MEGF9: variants seen among roughly 807,000 people sequenced by gnomAD.
MEGF9 encodes the protein multiple EGF like domains 9, also known as multiple epidermal growth factor-like domains protein 9.
MEGF9 carries 6 observed loss-of-function variants against 46.8 expected under a neutral mutation model. That is an observed-to-expected ratio of 0.13 (90% CI 0.07 to 0.25). The LOEUF (loss-of-function observed/expected upper bound fraction) is 0.25. Ranked by LOEUF, MEGF9 falls within the 10% of genes least tolerant of loss-of-function variation. The probability of loss-of-function intolerance (pLI) is 1.00; values close to 1 mark genes in which losing one functional copy is unlikely to be tolerated. For missense variants in MEGF9, 683 were observed against 792.4 expected, an observed-to-expected ratio of 0.86 and a Z score of 1.66; for synonymous variants, 302 against 330.7, an observed-to-expected ratio of 0.91 and a Z score of 0.94.
rs150929529 is a variant in MEGF9 at position 120,703,727 on chromosome 9, C to T, written c.601+10031G>A. On this transcript the variant is annotated intron_variant, in intron 1 of 5. Coordinates refer to ENST00000373930, the MANE Select transcript of MEGF9 (RefSeq NM_001080497.3). ...GTGGCTCATGCCTGTAATCCCAGCACTTTGGGAGGCTGAGACGGGTGGATC... is the reference window on the plus strand; with the variant it reads ...GTGGCTCATGCCTGTAATCCCAGCATTTTGGGAGGCTGAGACGGGTGGATC... 3.9e-5 allele frequency among the ~76,000 whole-genome samples: 6 copies of T among 152,210 alleles called. No homozygotes were observed. In the South Asian group the frequency reaches 8.3e-4, roughly 21 times the overall value.
intron 1 of MEGF9, among the ~76,000 whole-genome samples, chr9:120,682,845 G>A (rs1221327007): frequency 6.6e-6 from 1 of 152,130 alleles, no homozygotes; most frequent in Non-Finnish European, 1.5e-5. Context: ...AGCTTCCAAA[G>A]TGCTGGGATT....
chr9:120,664,799 C>G (rs566031020), intron 1 of MEGF9, among the ~76,000 whole-genome samples: 1 of 152,320 alleles, frequency 6.6e-6, no homozygotes, highest in South Asian at 2.1e-4. Context: ...CAATCTACAG[C>G]CTTTTGCAAA....
At chr9:120,689,151 A>G (rs1441362525) in intron 1 of MEGF9, among the ~76,000 whole-genome samples, 1 of 152,226 alleles carries the variant, frequency 6.6e-6, no homozygotes, top group Non-Finnish European at 1.5e-5. Flanking sequence ...ATTATGGTAC[A>G]TGTGTTTGCA....
intron 1 of MEGF9, among the ~76,000 whole-genome samples, chr9:120,702,519 A>C (rs1189203974): frequency 6.6e-6 from 1 of 152,262 alleles, no homozygotes; most frequent in Non-Finnish European, 1.5e-5. Context: ...CCCATTACTT[A>C]GGTTTAACTA....
intron 1 of MEGF9, among the ~76,000 whole-genome samples, chr9:120,711,871 A>ACACACACACACC (rs145059704): frequency 3.4e-4 from 51 of 150,210 alleles, no homozygotes; most frequent in African/African-American, 6.9e-4. Flanking sequence ...ACACACACAC[A>ACACACACACACC]CCCACAGGCC....
intron 1 of MEGF9, among the ~76,000 whole-genome samples, chr9:120,664,880 A>C (rs1218931622): frequency 5.3e-5 from 8 of 151,562 alleles, no homozygotes; most frequent in Admixed American, 5.2e-4. Flanking sequence ...TTTCACTCTT[A>C]TTGTTAGTTG....
intron 2 of MEGF9, among the ~76,000 whole-genome samples, chr9:120,628,279 GTT>G: frequency 6.6e-6 from 1 of 152,220 alleles, no homozygotes; most frequent in Admixed American, 6.5e-5. Flanking sequence ...TGAATTTAGT[GTT>G]CCTCTGTCTT....
chr9:120,653,406 C>T (rs1486270254), intron 2 of MEGF9, among the ~76,000 whole-genome samples: 1 of 149,436 alleles, frequency 6.7e-6, no homozygotes, highest in African/African-American at 2.5e-5. Flanking sequence ...GGGTCTCACT[C>T]TGTTGCCCAG....
In MEGF9 at chr9:120,605,579, A is replaced by C; in HGVS notation, c.1420T>G (p.Ser474Ala). Residue 474 changes from serine (S) to alanine (A), a missense_variant, in exon 6 of 6, where the codon TCA (serine) becomes GCA (alanine). This residue lies in a region of MEGF9 where 313 missense variants were observed against 421.1 expected (regional missense o/e 0.74). Transcript: ENST00000373930. The surrounding 1 kb of genome is among the most constrained non-coding windows in gnomAD (Gnocchi z 4.0). Reference protein sequence around the residue: ...ILVSNASLTTSVPTPVINSTF... With the variant: ...ILVSNASLTTAVPTPVINSTF... ...CTATTTATAACAGGGGTGGGCACTG[A>C]TGTGGTCAAAGAGGCATTGGAAACC... 6.2e-7 allele frequency: 1 copy of C among 1,605,312 alleles called. No homozygotes were observed. The highest frequency in any genetic ancestry group is 8.5e-7 in the Non-Finnish European group (1 of 1,175,214).
At chr9:120,689,088 A>C (rs1248533243) in intron 1 of MEGF9, among the ~76,000 whole-genome samples, 1 of 152,226 alleles carries the variant, frequency 6.6e-6, no homozygotes, top group Non-Finnish European at 1.5e-5. Flanking sequence ...CAGAGAGAAA[A>C]ACAAAGAAGC....
At chr9:120,623,589 A>G (rs56025942) in intron 2 of MEGF9, among the ~76,000 whole-genome samples, 2,424 of 152,296 alleles carry the variant, frequency 0.016, 63 homozygotes, top group African/African-American at 0.055. Context: ...ACATTATCTA[A>G]TTTATACTAT....
In MEGF9 at chr9:120,608,001, T is replaced by A. The variant is rs974196013; in HGVS notation, c.1097A>T (p.Glu366Val). ...STGSCSIKSS[E>V]LEPECDQCKD... Reference sequence around the variant, plus strand: ...ACACTGGTCACATTCAGGTTCCAATTCACTCGATTCTAAAAGAGAGAATGC... The same window carrying A: ...ACACTGGTCACATTCAGGTTCCAATACACTCGATTCTAAAAGAGAGAATGC... The change falls in exon 5 of 6, where the codon GAA becomes GTA. Residue 366 changes from glutamate (E) to valine (V), a missense_variant. By Grantham distance (121) the Glu-to-Val change is moderately radical (BLOSUM62 -2). This residue lies in a region of MEGF9 where 313 missense variants were observed against 421.1 expected (regional missense o/e 0.74). Transcript: ENST00000373930. 6.2e-6 allele frequency: 10 copies of A among 1,613,756 alleles called. No individual in the cohort carries two copies. Among genetic ancestry groups the A allele is most frequent in the Non-Finnish European group, 8.5e-6 (10 of 1,179,748 alleles).
At chr9:120,707,822 C>T (rs2043935432) in intron 1 of MEGF9, among the ~76,000 whole-genome samples, 2 of 152,116 alleles carry the variant, frequency 1.3e-5, no homozygotes, top group South Asian at 4.1e-4. Context: ...GCAGGCAGAT[C>T]ATTTGAGGTC....
At chr9:120,652,714 T>C (rs2043659282) in intron 2 of MEGF9, among the ~76,000 whole-genome samples, 2 of 152,102 alleles carry the variant, frequency 1.3e-5, no homozygotes, top group Admixed American at 6.5e-5. Flanking sequence ...ATGTGGTTTT[T>C]ATATAAGCAT....
Position 120,714,175 on chromosome 9 carries a change from C to T in MEGF9, c.184G>A (p.Glu62Lys), listed in dbSNP as rs1335100980. Residue 62 changes from glutamate to lysine, a missense_variant, in exon 1 of 6, where the codon GAG (glutamate) becomes AAG (lysine). Glu to Lys is a moderately conservative substitution (Grantham distance 56). Coordinates refer to ENST00000373930, the MANE Select transcript of MEGF9 (RefSeq NM_001080497.3). ...GCCCTAGGGAAGGGGTGGCTGGGCT[C>T]GCCCCGCAACCCGGGGCCCGGCGAC... Reference protein sequence around the residue: ...DASPGPGLRGEPSHPFPRATA... With the variant: ...DASPGPGLRGKPSHPFPRATA... The T allele has an allele frequency of 1.7e-5, 21 of 1,235,224 alleles. No homozygotes were observed. The highest frequency in any genetic ancestry group is 2.8e-4 in the Middle Eastern group (1 of 3,564). 76.5% of individuals were successfully genotyped at this position (1,235,224 alleles called of 1,614,324 possible).
rs983214134 is a variant in MEGF9, at chr9:120,661,643, T to C, written c.602-2068A>G. 2.6e-5 allele frequency among the ~76,000 whole-genome samples: 4 copies of C among 152,368 alleles called. No individual in the cohort carries two copies. The East Asian group carries it at 7.7e-4, about 29-fold the overall frequency. ...ATTCACATTTCTTCAGCCTCAAGCT[T>C]AGGAAAGGAACCAGCTTCCCATTAC... is the stretch of plus-strand genomic sequence containing the variant. On this transcript the variant is annotated intron_variant, in intron 1 of 5. Coordinates refer to ENST00000373930, the MANE Select transcript of MEGF9 (RefSeq NM_001080497.3).
At chr9:120,607,128 A>G (rs1475101154) in intron 5 of MEGF9, among the ~76,000 whole-genome samples, 1 of 152,216 alleles carries the variant, frequency 6.6e-6, no homozygotes, top group Non-Finnish European at 1.5e-5. Flanking sequence ...GGTTTGTAGA[A>G]CAGCATGGTC....
chr9:120,699,224 T>A (rs2043891822), intron 1 of MEGF9, among the ~76,000 whole-genome samples: 1 of 152,206 alleles, frequency 6.6e-6, no homozygotes, highest in South Asian at 2.1e-4. Flanking sequence ...CAGAAGACTG[T>A]TAAATCCTAC....
chr9:120,645,619 A>C (rs886439465), intron 2 of MEGF9, among the ~76,000 whole-genome samples: 2 of 152,222 alleles, frequency 1.3e-5, no homozygotes, highest in Admixed American at 6.5e-5. Context: ...TGTTGCATCA[A>C]GAGGAGAGAG....
Sources: allele counts gnomAD v4.1 joint callset (sites outside exome capture counted in the v4.1 genomes callset), GRCh38; gene constraint gnomAD v4.1.1; regional missense constraint gnomAD v4.1.1; non-coding constraint Gnocchi (gnomAD v3.1); transcripts MANE v1.5; gene names NCBI Gene and HGNC (gene_info 2026-07-23, HGNC 2026-07-21).